Variants in SHISA9 observed in about 807,000 individuals in gnomAD.
SHISA9 encodes the protein protein shisa-9.
Under a neutral mutation model 38.0 loss-of-function variants are expected in SHISA9, and 13 were observed. That is an observed-to-expected ratio of 0.34 (90% confidence interval 0.22 to 0.54). The LOEUF is 0.54. Ranked by LOEUF, SHISA9 falls within the 20% of genes least tolerant of loss-of-function variation. SHISA9 has a pLI of 0.91. For synonymous variants in SHISA9, 275 were observed against 242.0 expected (o/e 1.14, Z -1.27); for missense variants, 538 against 575.8 (o/e 0.93, Z 0.67).
chr16:13,413,757 CAAAAAAAAA>C, the SHISA9 span, among the ~76,000 whole-genome samples: 12 of 52,924 alleles, frequency 2.3e-4, no homozygotes, highest in South Asian at 1.2e-3. Flanking sequence ...GACTTCATCT[CAAAAAAAAA>C]AAAAAAAAAA....
chr16:13,531,704 A>G, the SHISA9 span, among the ~76,000 whole-genome samples: 2 of 152,204 alleles, frequency 1.3e-5, no homozygotes, highest in South Asian at 4.1e-4. Flanking sequence ...TCAGAGATGT[A>G]TGAGCAATCT....
chr16:13,323,113 G>A, the SHISA9 span, among the ~76,000 whole-genome samples: 9 of 152,170 alleles, frequency 5.9e-5, no homozygotes, highest in Admixed American at 5.2e-4. Context: ...AAAAATGGGG[G>A]TGATAATGTT....
At chr16:13,178,799 C>T (rs1042579431) in intron 2 of SHISA9, among the ~76,000 whole-genome samples, 47 of 152,120 alleles carry the variant, frequency 3.1e-4, no homozygotes, top group African/African-American at 1.1e-3. Context: ...ATTAATTAGC[C>T]AGCTTGGTCT....
At chr16:13,492,311 G>A in the SHISA9 span, among the ~76,000 whole-genome samples, 1 of 152,126 alleles carries the variant, frequency 6.6e-6, no homozygotes, top group African/African-American at 2.4e-5. Context: ...ATTGGAGCTG[G>A]GAAGCAGGCC....
At chr16:13,060,213 G>A (rs1331956837) in intron 2 of SHISA9, among the ~76,000 whole-genome samples, 1 of 152,156 alleles carries the variant, frequency 6.6e-6, no homozygotes, top group Non-Finnish European at 1.5e-5. Flanking sequence ...AAGCTGGAGG[G>A]ACAGCGTTCC....
the SHISA9 span, among the ~76,000 whole-genome samples, chr16:13,254,621 C>T: frequency 3.9e-5 from 6 of 152,230 alleles, no homozygotes; most frequent in Non-Finnish European, 5.9e-5. Flanking sequence ...ATTACCATGA[C>T]GTTCTTTCCA....
intron 2 of SHISA9, among the ~76,000 whole-genome samples, chr16:13,076,658 C>G (rs2073586258): frequency 6.6e-6 from 1 of 152,192 alleles, no homozygotes; most frequent in African/African-American, 2.4e-5. Flanking sequence ...CATTTTCTCT[C>G]CTCCAGTACC....
chr16:13,509,115 C>G, the SHISA9 span, among the ~76,000 whole-genome samples: 4 of 152,190 alleles, frequency 2.6e-5, no homozygotes, highest in Non-Finnish European at 4.4e-5. Flanking sequence ...GGAGGGTAAT[C>G]ACACAGTGGA....
the SHISA9 span, among the ~76,000 whole-genome samples, chr16:13,380,558 A>AT: frequency 2.0e-5 from 3 of 152,190 alleles, no homozygotes; most frequent in Non-Finnish European, 2.9e-5. Context: ...GGGAGCCTAG[A>AT]TTTTTTCTTC....
At chr16:13,447,057 A>AG in the SHISA9 span, among the ~76,000 whole-genome samples, 16 of 149,924 alleles carry the variant, frequency 1.1e-4, no homozygotes, top group South Asian at 1.9e-3. Context: ...AGAGAGAGAG[A>AG]AAGAAAGAAT....
chr16:13,144,509 G>A (rs914765674), intron 2 of SHISA9, among the ~76,000 whole-genome samples: 3 of 152,100 alleles, frequency 2.0e-5, no homozygotes, highest in Admixed American at 1.3e-4. Context: ...TATTCAGTGG[G>A]TAATTTGGCT....
the SHISA9 span, among the ~76,000 whole-genome samples, chr16:13,438,826 A>C: frequency 6.6e-6 from 1 of 152,226 alleles, no homozygotes. Flanking sequence ...AGAAAGGAAA[A>C]GACTAAACGG....
the SHISA9 span, among the ~76,000 whole-genome samples, chr16:13,247,588 T>A: frequency 6.7e-6 from 1 of 148,750 alleles, no homozygotes; most frequent in African/African-American, 2.6e-5. Flanking sequence ...AATAAATAAA[T>A]AAATAAATAA....
chr16:13,199,179 G>A lies in SHISA9; in HGVS notation c.692-4215G>A, dbSNP rs187383062. ...TGAGACTGACGGATCAAACAGATGA[G>A]AGAAAGGACTTATACTGGAGGATAA... On this transcript the variant is annotated intron_variant, in intron 2 of 4. Transcript: ENST00000558583. 1.6e-3 allele frequency among the ~76,000 whole-genome samples: 249 copies of A among 152,260 alleles called. 2 individuals carry two copies. Among genetic ancestry groups the A allele is most frequent in the African/African-American group, 5.7e-3 (236 of 41,560 alleles).
At chr16:13,451,675 G>A in the SHISA9 span, among the ~76,000 whole-genome samples, 1 of 152,148 alleles carries the variant, frequency 6.6e-6, no homozygotes, top group African/African-American at 2.4e-5. Context: ...TCCCCTAGTT[G>A]GGAAAATGCT....
the SHISA9 span, among the ~76,000 whole-genome samples, chr16:13,385,659 TCAGCAAAGAAAAGGAACAAAC>T: frequency 1.4e-5 from 1 of 72,046 alleles, no homozygotes; most frequent in Non-Finnish European, 2.8e-5. Context: ...GAAATAGTAC[TCAGCAAAGAAAAGGAACAAAC>T]TGTGGTATAT....
the SHISA9 span, among the ~76,000 whole-genome samples, chr16:13,293,832 A>T: frequency 6.6e-6 from 1 of 152,222 alleles, no homozygotes; most frequent in Non-Finnish European, 1.5e-5. Context: ...TAGTGGTTGT[A>T]TGTGTGTCTA....
intron 2 of SHISA9, among the ~76,000 whole-genome samples, chr16:13,118,730 C>CTTTTTTTTTTTTTTTT (rs34471353): frequency 1.5e-5 from 2 of 130,778 alleles, no homozygotes; most frequent in Non-Finnish European, 3.2e-5. Context: ...TTTCTTTTTT[C>CTTTTTTTTTTTTTTTT]TTTTTTTTTT....
At chr16:13,218,794 A>T (rs541211209) in intron 4 of SHISA9, among the ~76,000 whole-genome samples, 28 of 152,358 alleles carry the variant, frequency 1.8e-4, no homozygotes, top group Admixed American at 2.6e-4. Context: ...AGAAATGCTC[A>T]TGCAGGAGGC....
Sources: allele counts gnomAD v4.1 joint callset (sites outside exome capture counted in the v4.1 genomes callset), GRCh38; gene constraint gnomAD v4.1.1; transcripts MANE v1.5; gene names NCBI Gene and HGNC (gene_info 2026-07-23, HGNC 2026-07-21).